The following CPVL variants were observed in gnomAD, a reference collection of about 807,000 sequenced individuals.
The protein encoded by CPVL is probable serine carboxypeptidase CPVL.
CPVL carries 51 observed loss-of-function variants against 63.7 expected under a neutral mutation model. The ratio of observed to expected loss-of-function variants is 0.80; its 90% CI spans 0.64 to 1.01. The LOEUF (loss-of-function observed/expected upper bound fraction) is 1.01. CPVL is among the 50% of genes least tolerant of loss of function. The pLI, the probability that CPVL is intolerant of heterozygous loss-of-function variation, is 0.00. For synonymous variants in CPVL, 195 were observed against 206.0 expected, an observed-to-expected ratio of 0.95 and a Z score of 0.46; for missense variants, 530 against 573.1, an observed-to-expected ratio of 0.92 and a Z score of 0.77.
chr7:29,162,353 T>C (rs1473991091), intron 5 of CPVL, among the ~76,000 whole-genome samples: 1 of 152,166 alleles, frequency 6.6e-6, no homozygotes, highest in Non-Finnish European at 1.5e-5. Flanking sequence ...ATGAAACAGC[T>C]AGGGTGGATC....
intron 1 of CPVL, among the ~76,000 whole-genome samples, chr7:29,142,247 G>A (rs1041302008): frequency 6.6e-6 from 1 of 152,146 alleles, no homozygotes; most frequent in Non-Finnish European, 1.5e-5. Flanking sequence ...TTGAACACCT[G>A]TATTTATTTT....
Position 29,071,855 on chromosome 7 carries a change from T to G in CPVL, c.782A>C (p.Glu261Ala). 6.2e-7 allele frequency: 1 copy of G among 1,614,094 alleles called. No individual in the cohort carries two copies. The highest frequency in any genetic ancestry group is 1.1e-5 in the South Asian group (1 of 91,062). ...EFLYQIGLLD[E>A]KQKKYFQKQC... is the part of the protein sequence containing the mutation. ...CTTCTGGAAGTACTTTTTTTGCTTC[T>G]CATCCAACAAGCCAATTTGGTACAG... The change falls in exon 9 of 13, where the codon GAG (glutamate) becomes GCG (alanine). Residue 261 changes from glutamate (E) to alanine (A), a missense_variant. Coordinates refer to ENST00000265394, the MANE Select transcript of CPVL (RefSeq NM_031311.5).
intron 11 of CPVL, among the ~76,000 whole-genome samples, chr7:29,034,290 A>G (rs1053354999): frequency 1.3e-5 from 2 of 152,080 alleles, no homozygotes; most frequent in Non-Finnish European, 2.9e-5. Context: ...TATATTTTGT[A>G]GAGACGGGGT....
At chr7:29,083,641 A>G (rs1040961050) in intron 7 of CPVL, among the ~76,000 whole-genome samples, 2 of 152,244 alleles carry the variant, frequency 1.3e-5, no homozygotes, top group Non-Finnish European at 1.5e-5. Flanking sequence ...CCAAGTACAT[A>G]GATCAGGAAA....
chr7:29,094,248 G>C (rs908705487), intron 5 of CPVL, among the ~76,000 whole-genome samples: 4 of 152,090 alleles, frequency 2.6e-5, no homozygotes, highest in African/African-American at 9.7e-5. Context: ...GGCTGAGGCA[G>C]GAGAATTGCT....
chr7:29,101,120 C>T (rs1787072664), intron 3 of CPVL, among the ~76,000 whole-genome samples: 1 of 152,162 alleles, frequency 6.6e-6, no homozygotes, highest in South Asian at 2.1e-4. Context: ...CAACTCTCAA[C>T]TTTGGAAAGA....
intron 12 of CPVL, among the ~76,000 whole-genome samples, chr7:29,026,209 C>G (rs1787476985): frequency 1.3e-5 from 2 of 152,074 alleles, no homozygotes; most frequent in Non-Finnish European, 2.9e-5. Context: ...AAAACATGCT[C>G]CTGAATGACC....
chr7:28,995,027 C>T (rs1039829434), downstream of CPVL, among the ~76,000 whole-genome samples: 1 of 151,278 alleles, frequency 6.6e-6, no homozygotes, highest in Non-Finnish European at 1.5e-5. Context: ...AACAATGATA[C>T]AAAATTAGGT....
chr7:29,187,207 C>T (rs1213737396), intron 1 of CPVL, among the ~76,000 whole-genome samples: 3 of 152,218 alleles, frequency 2.0e-5, no homozygotes, highest in African/African-American at 7.2e-5. Context: ...CCAAATTTGG[C>T]AGAGAGCTTA....
At chr7:29,024,848 C>T (rs1205331091) in intron 12 of CPVL, among the ~76,000 whole-genome samples, 2 of 152,128 alleles carry the variant, frequency 1.3e-5, no homozygotes, top group Non-Finnish European at 2.9e-5. Context: ...TTAAGGCAGT[C>T]CTATAACTGG....
chr7:29,000,365 TGGGGTGGGG>T (rs990998644), intron 12 of CPVL, among the ~76,000 whole-genome samples: 1 of 2,636 alleles, frequency 3.8e-4, no homozygotes, highest in Non-Finnish European at 6.7e-4. Flanking sequence ...GGTGGGTGGG[TGGGGTGGGG>T]GTGGAGGGAT....
chr7:29,018,237 G>T (rs552903997), intron 12 of CPVL, among the ~76,000 whole-genome samples: 26 of 150,976 alleles, frequency 1.7e-4, no homozygotes, highest in Non-Finnish European at 3.7e-4. Flanking sequence ...TGTCAATAAA[G>T]ATATTTTCAA....
intron 5 of CPVL, among the ~76,000 whole-genome samples, chr7:29,153,464 C>G (rs902530186): frequency 2.6e-5 from 4 of 152,238 alleles, no homozygotes; most frequent in South Asian, 2.1e-4. Context: ...CCCTCTTCTT[C>G]CTTCTTCTCC....
At chr7:29,145,797 C>A (rs1365025083) in intron 1 of CPVL, 1 of 152,170 alleles carries the variant, frequency 6.6e-6, no homozygotes, top group Non-Finnish European at 1.5e-5. Flanking sequence ...AAGGCCAGAA[C>A]TGGGATTTAA....
chr7:29,185,955 C>T (rs560155354), intron 2 of CPVL, among the ~76,000 whole-genome samples: 3 of 152,256 alleles, frequency 2.0e-5, no homozygotes, highest in African/African-American at 4.8e-5. Context: ...ATGTGAAAAT[C>T]GTTATTTAAT....
chr7:29,170,186 A>C (rs1025632676), intron 5 of CPVL, among the ~76,000 whole-genome samples: 4 of 152,080 alleles, frequency 2.6e-5, no homozygotes, highest in Admixed American at 2.0e-4. Context: ...CATGGTCCTA[A>C]GGTGCTTCCT....
At chr7:29,133,046 T>G (rs1348600818) in intron 1 of CPVL, among the ~76,000 whole-genome samples, 1 of 151,782 alleles carries the variant, frequency 6.6e-6, no homozygotes, top group African/African-American at 2.4e-5. Context: ...ACAAAGTCAC[T>G]GCATGCATTC....
chr7:29,143,770 T>G (rs1278642735), intron 1 of CPVL, among the ~76,000 whole-genome samples: 1 of 152,202 alleles, frequency 6.6e-6, no homozygotes, highest in East Asian at 1.9e-4. Flanking sequence ...GAATTTGCTT[T>G]TTCAGGCTCC....
At chr7:29,150,036 T>C (rs1177084021), upstream of CPVL, among the ~76,000 whole-genome samples, 1 of 152,212 alleles carries the variant, frequency 6.6e-6, no homozygotes, top group Admixed American at 6.5e-5. Flanking sequence ...AACAAATCGG[T>C]TTGCAAAGAG....
Sources: allele counts gnomAD v4.1 joint callset (sites outside exome capture counted in the v4.1 genomes callset), GRCh38; gene constraint gnomAD v4.1.1; transcripts MANE v1.5; gene names NCBI Gene and HGNC (gene_info 2026-07-23, HGNC 2026-07-21).